Variants in HIPK1 observed in about 807,000 individuals in gnomAD.
HIPK1 encodes homeodomain-interacting protein kinase 1.
Under a neutral mutation model 117.1 loss-of-function variants are expected in HIPK1, and 28 were observed. That is an observed-to-expected ratio of 0.24 (90% CI 0.18 to 0.33). The LOEUF (loss-of-function observed/expected upper bound fraction) is 0.33. Among genes scored for constraint, HIPK1 ranks in the 10% least tolerant of loss-of-function variants. The probability of loss-of-function intolerance (pLI) is 1.00; values close to 1 mark genes in which losing one functional copy is unlikely to be tolerated. For missense variants in HIPK1, 1,122 were observed against 1,475.1 expected, an observed-to-expected ratio of 0.76 and a Z score of 3.92; for synonymous variants, 605 against 562.5, an observed-to-expected ratio of 1.08 and a Z score of -1.07.
Position 113,975,261 on chromosome 1 carries a change from A to G in HIPK1, c.*1749A>G, listed in dbSNP as rs1001396673. 1.3e-5 allele frequency: 2 copies of G among 152,834 alleles called. No individual in the cohort carries two copies. The highest frequency in any genetic ancestry group is 6.5e-5 in the Admixed American group (1 of 15,288). 9.5% of individuals were successfully genotyped at this position (152,834 alleles called of 1,614,324 possible). The stretch of plus-strand genomic sequence containing the variant: ...TTATCAGAACAGGATTAGTAGCTGT[A>G]TTGTGTAATGCATTGTTCTCAGTTT... On this transcript the variant is annotated 3_prime_UTR_variant, in exon 16 of 16. Transcript: ENST00000426820.
At chr1:113,963,268 T>A in intron 9 of HIPK1, 119 bp from the exon 10 acceptor site, 1 of 1,191,604 alleles carries the variant, frequency 8.4e-7, no homozygotes, top group Non-Finnish European at 1.2e-6. Flanking sequence ...ATATGCATTT[T>A]AGATGCTATC....
chr1:113,962,536 C>A, intron 9 of HIPK1, 98 bp downstream of exon 9: 2 of 1,208,750 alleles, frequency 1.7e-6, no homozygotes, highest in Non-Finnish European at 2.3e-6. Flanking sequence ...ACTATAAGAT[C>A]TTTCTTGGTC....
Position 113,969,941 on chromosome 1 carries a change from T to A in HIPK1, c.2772-15T>A, listed in dbSNP as rs1304359024. On this transcript the variant is annotated splice_polypyrimidine_tract_variant and intron_variant, in intron 13 of 15. Coordinates refer to ENST00000426820, the MANE Select transcript of HIPK1 (RefSeq NM_198268.3). ...AAAGAACAATTCAATTTTCATGTATTTTTCTTTTCCTCAGCTCTGGACTGA... is the reference window on the plus strand; with the variant it reads ...AAAGAACAATTCAATTTTCATGTATATTTCTTTTCCTCAGCTCTGGACTGA... The A allele has an allele frequency of 6.2e-7, 1 of 1,613,392 alleles. No individual in the cohort carries two copies. Among genetic ancestry groups the A allele is most frequent in the East Asian group, 2.2e-5 (1 of 44,872 alleles).
chr1:113,954,858 AGGTAGAGAAGGGAAAGGAGAGGGGG>A, intron 4 of HIPK1, 88 bp downstream of exon 4: 3 of 1,211,608 alleles, frequency 2.5e-6, no homozygotes, highest in Non-Finnish European at 3.5e-6. Flanking sequence ...TAAATTCTTC[AGGTAGAGAAGGGAAAGGAGAGGGGG>A]AAGCATTTTG....
chr1:113,938,925 A>ATATACAC (rs1422815479), intron 1 of HIPK1, among the ~76,000 whole-genome samples: 5 of 25,992 alleles, frequency 1.9e-4, no homozygotes, highest in African/African-American at 3.2e-4. Flanking sequence ...AAAAAAAAAA[A>ATATACAC]AAATACACAC....
chr1:113,944,159 GTTTTTTTTTTT>G (rs140161727), intron 2 of HIPK1, among the ~76,000 whole-genome samples: 16 of 55,236 alleles, frequency 2.9e-4, no homozygotes, highest in Admixed American at 1.3e-3. Flanking sequence ...ATAGCCATGG[GTTTTTTTTTTT>G]TTTTTTTTTT....
chr1:113,944,553 G>A (rs1372204940), intron 2 of HIPK1, among the ~76,000 whole-genome samples: 2 of 149,106 alleles, frequency 1.3e-5, no homozygotes, highest in East Asian at 2.0e-4. Context: ...GCACAATCTC[G>A]GTTCACTGCA....
Position 113,971,820 on chromosome 1 carries a change from T to C in HIPK1, c.3014-4T>C. ...CATAACTATTAAGCCTGGTGCTTTT[T>C]TAGGTCTCCTGAGCAATAAGACTAA... On this transcript the variant is annotated splice_region_variant and splice_polypyrimidine_tract_variant and intron_variant, in intron 14 of 15. Transcript: ENST00000426820. The C allele has an allele frequency of 6.3e-7, 1 of 1,588,694 alleles. No individual in the cohort carries two copies. Among genetic ancestry groups the C allele is most frequent in the Non-Finnish European group, 8.5e-7 (1 of 1,172,504 alleles).
At chr1:113,930,323 C>T (rs1195955488) in intron 1 of HIPK1, among the ~76,000 whole-genome samples, 1 of 152,250 alleles carries the variant, frequency 6.6e-6, no homozygotes, top group Admixed American at 6.5e-5. Context: ...CTTCACAGCT[C>T]CGCTTATCAC....
chr1:113,963,265 T>G (rs1270355219), intron 9 of HIPK1, 122 bp from the exon 10 acceptor site: 1 of 1,168,750 alleles, frequency 8.6e-7, no homozygotes, highest in Admixed American at 2.3e-5. Flanking sequence ...GGTATATGCA[T>G]TTTAGATGCT....
intron 2 of HIPK1, 114 bp from the exon 3 acceptor site, chr1:113,952,652 A>G: frequency 1.3e-6 from 1 of 782,698 alleles, no homozygotes; most frequent in Non-Finnish European, 1.8e-6. Context: ...TTTTTTTTCC[A>G]TTTCATTGAA....
intron 1 of HIPK1, chr1:113,933,148 A>G: frequency 1.0e-6 from 1 of 984,346 alleles, no homozygotes; most frequent in Non-Finnish European, 1.2e-6. Flanking sequence ...AGTCATTCCA[A>G]ATAAATCTAA....
At chr1:113,943,519 A>T (rs1670787220) in intron 2 of HIPK1, among the ~76,000 whole-genome samples, 1 of 152,132 alleles carries the variant, frequency 6.6e-6, no homozygotes, top group Admixed American at 6.5e-5. Flanking sequence ...CATTTTGTTT[A>T]TGCATTCATC....
Position 113,940,976 on chromosome 1 carries a change from G to A in HIPK1, c.593G>A (p.Arg198Gln), listed in dbSNP as rs1453411901. Residue 198 changes from arginine to glutamine, a missense_variant, in exon 2 of 16, where the codon CGG (arginine) becomes CAG (glutamine). Arg to Gln is a conservative substitution (Grantham distance 43). This residue lies in a region of HIPK1 where 2 missense variants were observed against 19.9 expected (regional missense o/e 0.10). Transcript: ENST00000426820. The stretch of plus-strand genomic sequence containing the variant: ...TATGAAGTCTTGGAGTTCCTAGGCC[G>A]GGGGACATTTGGACAGGTGGCTAAG... ...NSYEVLEFLGRGTFGQVAKCW... is the reference protein window; with the variant it reads ...NSYEVLEFLGQGTFGQVAKCW... 2 of 1,614,094 alleles carry A rather than the reference G, an allele frequency of 1.2e-6. No homozygotes were observed. Among genetic ancestry groups the A allele is most frequent in the Non-Finnish European group, 1.7e-6 (2 of 1,180,024 alleles).
chr1:113,929,707 G>T, intron 1 of HIPK1, 175 bp downstream of exon 1: 1 of 818,710 alleles, frequency 1.2e-6, no homozygotes, highest in Non-Finnish European at 1.5e-6. Flanking sequence ...AGCGCGCGGG[G>T]CTGAGGCGGC....
intron 2 of HIPK1, among the ~76,000 whole-genome samples, chr1:113,944,176 T>TG (rs1252914902): frequency 7.4e-6 from 1 of 135,546 alleles, no homozygotes; most frequent in African/African-American, 2.8e-5. Flanking sequence ...TTTTTTTTTT[T>TG]TTTTTTTTTT....
At chr1:113,938,445 A>T (rs1448465675) in intron 1 of HIPK1, among the ~76,000 whole-genome samples, 1 of 151,788 alleles carries the variant, frequency 6.6e-6, no homozygotes, top group East Asian at 1.9e-4. Flanking sequence ...GCAATGAGAA[A>T]CCCCGGGAGA....
intron 1 of HIPK1, among the ~76,000 whole-genome samples, chr1:113,934,813 A>G (rs566494099): frequency 1.4e-5 from 2 of 143,302 alleles, no homozygotes; most frequent in Admixed American, 1.5e-4. Context: ...AAAAAAAATT[A>G]GCCAACTGTG....
chr1:113,971,173 C>T (rs1278558788), intron 14 of HIPK1, among the ~76,000 whole-genome samples: 1 of 152,202 alleles, frequency 6.6e-6, no homozygotes, highest in Non-Finnish European at 1.5e-5. Flanking sequence ...CAGAAGTAGA[C>T]AGTTGTCCCA....
Sources: allele counts gnomAD v4.1 joint callset (sites outside exome capture counted in the v4.1 genomes callset), GRCh38; gene constraint gnomAD v4.1.1; regional missense constraint gnomAD v4.1.1; transcripts MANE v1.5; gene names NCBI Gene and HGNC (gene_info 2026-07-23, HGNC 2026-07-21).